The following AUTS2 variants were observed in gnomAD, a reference collection of about 807,000 sequenced individuals.
The protein encoded by AUTS2 is autism susceptibility gene 2 protein.
In AUTS2, 17 loss-of-function variants were observed where a neutral mutation model predicts 112.4. The observed-to-expected ratio is 0.15, with a 90% CI of 0.10 to 0.23. AUTS2 has a LOEUF of 0.23. Ranked by LOEUF, AUTS2 falls within the 10% of genes least tolerant of loss-of-function variation. The pLI is 1.00. For synonymous variants in AUTS2, 751 were observed against 702.7 expected (o/e 1.07, Z -1.09); for missense variants, 1,510 against 1,701.6 (o/e 0.89, Z 1.98).
At chr7:70,417,058 A>G (rs949754335) in intron 4 of AUTS2, among the ~76,000 whole-genome samples, 5 of 152,330 alleles carry the variant, frequency 3.3e-5, no homozygotes, top group African/African-American at 1.2e-4. Flanking sequence ...GAGAAAGCCC[A>G]GCAGGCCCTG....
At chr7:70,116,403 A>G (rs867375525) in intron 2 of AUTS2, among the ~76,000 whole-genome samples, 1 of 152,190 alleles carries the variant, frequency 6.6e-6, no homozygotes, top group Non-Finnish European at 1.5e-5. Context: ...TTTAAAGACT[A>G]CAAGGAATGT....
At chr7:69,865,119 T>A (rs1793163350) in intron 1 of AUTS2, among the ~76,000 whole-genome samples, 1 of 151,558 alleles carries the variant, frequency 6.6e-6, no homozygotes, top group African/African-American at 2.4e-5. Flanking sequence ...TTTTTTTTTT[T>A]AAGGGCGTTG....
At chr7:70,527,984 A>T (rs1007408297) in intron 5 of AUTS2, among the ~76,000 whole-genome samples, 3 of 152,098 alleles carry the variant, frequency 2.0e-5, no homozygotes, top group Non-Finnish European at 4.4e-5. Flanking sequence ...CACTCCTAAC[A>T]CACCTGCTTT....
chr7:69,680,829 C>T (rs993155835), intron 1 of AUTS2, among the ~76,000 whole-genome samples: 1 of 152,140 alleles, frequency 6.6e-6, no homozygotes, highest in Non-Finnish European at 1.5e-5. Context: ...GCCACCATAC[C>T]CAGCTAATTT....
chr7:69,979,745 A>C (rs923737413), intron 2 of AUTS2, among the ~76,000 whole-genome samples: 24 of 152,186 alleles, frequency 1.6e-4, no homozygotes, highest in Admixed American at 7.9e-4. Context: ...TGAGGGCAGG[A>C]GGCATCCTTT....
intron 1 of AUTS2, among the ~76,000 whole-genome samples, chr7:69,790,792 G>A (rs1462244848): frequency 6.6e-6 from 1 of 152,242 alleles, no homozygotes; most frequent in African/African-American, 2.4e-5. Flanking sequence ...CATTAATGGA[G>A]ATGCTTGAAC....
intron 5 of AUTS2, among the ~76,000 whole-genome samples, chr7:70,443,076 T>C (rs1393553447): frequency 6.6e-6 from 1 of 152,210 alleles, no homozygotes. Context: ...TGAACATGTA[T>C]GTACAATAAT....
At chr7:69,850,266 T>C (rs948638370) in intron 1 of AUTS2, among the ~76,000 whole-genome samples, 1 of 150,688 alleles carries the variant, frequency 6.6e-6, no homozygotes, top group African/African-American at 2.5e-5. Context: ...ACCAGTGTAC[T>C]CCAGTGCAAC....
At position 69,961,248 on chromosome 7, in the gene AUTS2, G is replaced by C. The variant is rs144977863; in HGVS notation, c.522+61750G>C. ...ATCTGTTGGTGTAGAGTTTTTGATG[G>C]AACACTCAATCAGCAATCTGTAGTA... On this transcript the variant is annotated intron_variant, in intron 2 of 18. Transcript: ENST00000342771. 3.2e-3 allele frequency among the ~76,000 whole-genome samples: 483 copies of C among 152,180 alleles called. 3 individuals carry two copies. Among genetic ancestry groups the C allele is most frequent in the Middle Eastern group, 0.01 (3 of 294 alleles).
At chr7:70,499,665 GA>G (rs937532631) in intron 5 of AUTS2, among the ~76,000 whole-genome samples, 27 of 152,254 alleles carry the variant, frequency 1.8e-4, no homozygotes, top group Non-Finnish European at 3.7e-4. Flanking sequence ...CTTTGGACAG[GA>G]GAAATAAATG....
rs34637651 is a variant in AUTS2 at position 70,191,161 on chromosome 7, C to CTTTTTTTT, written c.660+56608_660+56615dup. ...GCTTTCAAATGTCATCCACTTATTT[C>CTTTTTTTT]TTTTTTTTTTTTTTTTTTTTTTTTT... On this transcript the variant is annotated intron_variant, in intron 4 of 18. Coordinates refer to ENST00000342771, the MANE Select transcript of AUTS2 (RefSeq NM_015570.4). Among the ~76,000 whole-genome samples, 614 of 86,406 alleles carry CTTTTTTTT rather than the reference C, an allele frequency of 7.1e-3. 2 individuals are homozygous for CTTTTTTTT. Among genetic ancestry groups the CTTTTTTTT allele is most frequent in the African/African-American group, 8.0e-3 (170 of 21,286 alleles). The allele number at this position is 86,406 out of a possible 152,430, so 56.7% of individuals were successfully genotyped here. A position where few individuals can be genotyped will look rare whatever the true frequency, so the allele number is the denominator to read the frequency against.
rs1313051062 is a variant in AUTS2 at position 70,004,265 on chromosome 7, TTA to T, written c.522+104775_522+104776del. On this transcript the variant is annotated intron_variant, in intron 2 of 18. Coordinates refer to ENST00000342771, the MANE Select transcript of AUTS2 (RefSeq NM_015570.4). Reference sequence around the variant, plus strand: ...TATGAATGTGTTATATGTGAATATATTATATATATGAATGTGTTATATATGAA... The same window carrying T: ...TATGAATGTGTTATATGTGAATATATTATATATGAATGTGTTATATATGAA... Among the ~76,000 whole-genome samples, 177 of 135,954 alleles carry T rather than the reference TTA, an allele frequency of 1.3e-3. 6 individuals are homozygous for T. The East Asian group carries it at 0.034, about 26-fold the overall frequency. The allele number at this position is 135,954 out of a possible 152,430, so 89.2% of individuals were successfully genotyped here. A position where few individuals can be genotyped will look rare whatever the true frequency, so the allele number is the denominator to read the frequency against.
At chr7:70,783,404 AC>A (rs1791222852) in intron 15 of AUTS2, 1 of 149,376 alleles carries the variant, frequency 6.7e-6, no homozygotes, top group South Asian at 2.1e-4. Flanking sequence ...TCCTCTCCAA[AC>A]CCAGGCCACA....
intron 1 of AUTS2, among the ~76,000 whole-genome samples, chr7:69,842,219 A>G (rs1178347250): frequency 6.6e-6 from 1 of 152,192 alleles, no homozygotes; most frequent in Non-Finnish European, 1.5e-5. Flanking sequence ...TGGCATCTTA[A>G]TATTATGGTT....
At chr7:70,095,570 A>G (rs1584714523) in intron 2 of AUTS2, among the ~76,000 whole-genome samples, 1 of 152,316 alleles carries the variant, frequency 6.6e-6, no homozygotes, top group East Asian at 1.9e-4. Flanking sequence ...GCCAGGTATT[A>G]TGCTAGGTGC....
chr7:70,259,959 GA>G (rs1306901508), intron 4 of AUTS2, among the ~76,000 whole-genome samples: 12 of 152,164 alleles, frequency 7.9e-5, no homozygotes, highest in African/African-American at 2.9e-4. Flanking sequence ...TGTGAATCAA[GA>G]GGTTTGTTTT....
chr7:70,263,610 T>C (rs1243392407), intron 4 of AUTS2, among the ~76,000 whole-genome samples: 2 of 152,212 alleles, frequency 1.3e-5, no homozygotes, highest in African/African-American at 4.8e-5. Context: ...TACTTTGTGC[T>C]TCACATTTTT....
At chr7:70,446,395 T>G (rs1007026175) in intron 5 of AUTS2, among the ~76,000 whole-genome samples, 1 of 152,244 alleles carries the variant, frequency 6.6e-6, no homozygotes, top group Non-Finnish European at 1.5e-5. Flanking sequence ...CTTTATCATC[T>G]GTGTCACTCA....
chr7:69,877,436 TAAAG>T (rs1473379485), intron 1 of AUTS2, among the ~76,000 whole-genome samples: 1 of 152,200 alleles, frequency 6.6e-6, no homozygotes, highest in Non-Finnish European at 1.5e-5. Context: ...TAGAAAGTAA[TAAAG>T]AATGAGATGC....
Sources: allele counts gnomAD v4.1 joint callset (sites outside exome capture counted in the v4.1 genomes callset), GRCh38; gene constraint gnomAD v4.1.1; transcripts MANE v1.5; gene names NCBI Gene and HGNC (gene_info 2026-07-23, HGNC 2026-07-21).